TENM3: variants seen among roughly 807,000 people sequenced by gnomAD.
The protein encoded by TENM3 is teneurin transmembrane protein 3, also known as teneurin-3.
Under a neutral mutation model 255.1 loss-of-function variants are expected in TENM3, and 63 were observed. That is an observed-to-expected ratio of 0.25 (90% confidence interval 0.20 to 0.30). The LOEUF is 0.30. Ranked by LOEUF, TENM3 falls within the 10% of genes least tolerant of loss-of-function variation. The pLI is 1.00. For synonymous variants in TENM3, 1,306 were observed against 1,322.3 expected (o/e 0.99, Z 0.27); for missense variants, 2,929 against 3,461.1 (o/e 0.85, Z 3.86).
chr4:181,947,764 C>T, the TENM3 span, among the ~76,000 whole-genome samples: 2 of 152,018 alleles, frequency 1.3e-5, no homozygotes, highest in African/African-American at 4.8e-5. Flanking sequence ...ACATGTTGAC[C>T]TTTGAGTCTA....
intron 1 of TENM3, among the ~76,000 whole-genome samples, chr4:182,285,039 C>G (rs1032146830): frequency 6.6e-5 from 10 of 152,086 alleles, no homozygotes; most frequent in African/African-American, 2.4e-4. Flanking sequence ...AACAAAGACA[C>G]TCTAGGGAGA....
chr4:181,620,075 A>G, the TENM3 span, among the ~76,000 whole-genome samples: 1 of 152,090 alleles, frequency 6.6e-6, no homozygotes, highest in East Asian at 1.9e-4. Flanking sequence ...AGCCTGGGCA[A>G]CATAGGGAGA....
chr4:182,233,170 A>G (rs1756685622), intron 1 of TENM3, among the ~76,000 whole-genome samples: 1 of 152,124 alleles, frequency 6.6e-6, no homozygotes, highest in Admixed American at 6.5e-5. Flanking sequence ...GCTCAGCCAA[A>G]CAGGAGCCGG....
At chr4:181,609,360 C>T in the TENM3 span, among the ~76,000 whole-genome samples, 1 of 152,004 alleles carries the variant, frequency 6.6e-6, no homozygotes, top group African/African-American at 2.4e-5. Context: ...GGTTTTTTTC[C>T]ACATCACTCT....
chr4:182,464,164 A>T (rs1383606049), intron 3 of TENM3, among the ~76,000 whole-genome samples: 1 of 152,202 alleles, frequency 6.6e-6, no homozygotes, highest in African/African-American at 2.4e-5. Flanking sequence ...TGTATTAATG[A>T]TATAGTGACT....
At chr4:182,082,964 T>G in the TENM3 span, among the ~76,000 whole-genome samples, 1 of 152,130 alleles carries the variant, frequency 6.6e-6, no homozygotes, top group South Asian at 2.1e-4. Context: ...AATATCTACT[T>G]TATTATAGTG....
chr4:181,697,374 G>GT, the TENM3 span, among the ~76,000 whole-genome samples: 1 of 151,682 alleles, frequency 6.6e-6, no homozygotes, highest in Non-Finnish European at 1.5e-5. Flanking sequence ...TTTCCTGGTG[G>GT]GTTTTTTTGT....
At chr4:182,327,908 C>G (rs901556051) in intron 2 of TENM3, among the ~76,000 whole-genome samples, 2 of 152,206 alleles carry the variant, frequency 1.3e-5, no homozygotes, top group Non-Finnish European at 2.9e-5. Flanking sequence ...GAACATTTTT[C>G]CTCTGCTGCA....
intron 13 of TENM3, among the ~76,000 whole-genome samples, chr4:182,722,587 A>G (rs879939421): frequency 2.0e-5 from 3 of 152,184 alleles, no homozygotes; most frequent in Non-Finnish European, 4.4e-5. Flanking sequence ...GGCAAAGGAA[A>G]CGATTGTGGT....
chr4:181,620,751 A>C, the TENM3 span, among the ~76,000 whole-genome samples: 1 of 152,200 alleles, frequency 6.6e-6, no homozygotes, highest in African/African-American at 2.4e-5. Flanking sequence ...TAAGTAGAAA[A>C]AAATGACAAT....
intron 24 of TENM3, among the ~76,000 whole-genome samples, chr4:182,785,826 G>T (rs930394673): frequency 6.6e-6 from 1 of 151,432 alleles, no homozygotes; most frequent in Non-Finnish European, 1.5e-5. Context: ...TAAAGATGTG[G>T]TGAAGCAAGA....
At chr4:182,505,456 CTTTTA>C (rs80113065) in intron 3 of TENM3, among the ~76,000 whole-genome samples, 3,517 of 151,650 alleles carry the variant, frequency 0.023, 46 homozygotes, top group Middle Eastern at 0.041. Context: ...TCTGCTTTTC[CTTTTA>C]TTTTATTTTA....
At chr4:181,798,852 G>A in the TENM3 span, among the ~76,000 whole-genome samples, 5 of 152,204 alleles carry the variant, frequency 3.3e-5, no homozygotes, top group African/African-American at 1.2e-4. Flanking sequence ...GTTAACAAAT[G>A]TAGTTTTAAT....
intron 1 of TENM3, among the ~76,000 whole-genome samples, chr4:182,307,521 C>T (rs1020087447): frequency 8.5e-5 from 13 of 152,148 alleles, no homozygotes; most frequent in Non-Finnish European, 1.5e-5. Context: ...ATTTAGAGTC[C>T]TTTCCTTAAT....
chr4:181,864,241 C>T, the TENM3 span, among the ~76,000 whole-genome samples: 6 of 152,190 alleles, frequency 3.9e-5, no homozygotes, highest in Non-Finnish European at 8.8e-5. Flanking sequence ...ACTATCAGTT[C>T]TGTCCATCAG....
At chr4:181,917,663 C>CT in the TENM3 span, among the ~76,000 whole-genome samples, 2,718 of 127,370 alleles carry the variant, frequency 0.021, 68 homozygotes, top group South Asian at 0.055. Flanking sequence ...TTTTTTTTTT[C>CT]TTTTTTTTTT....
At chr4:182,732,224 A>G (rs1432544864) in intron 16 of TENM3, among the ~76,000 whole-genome samples, 1 of 152,064 alleles carries the variant, frequency 6.6e-6, no homozygotes, top group Admixed American at 6.6e-5. Flanking sequence ...TTATTTATTG[A>G]AAAAAAACTT....
intron 3 of TENM3, among the ~76,000 whole-genome samples, chr4:182,600,420 T>G (rs1367078472): frequency 6.6e-6 from 1 of 152,212 alleles, no homozygotes; most frequent in Non-Finnish European, 1.5e-5. Flanking sequence ...ACAAGAGTAG[T>G]CTACTGCTGT....
the TENM3 span, among the ~76,000 whole-genome samples, chr4:181,456,113 G>A: frequency 0.29 from 23,081 of 79,424 alleles, 2,153 homozygotes; most frequent in African/African-American, 0.46. Flanking sequence ...GTGTGTGTGT[G>A]TATATATATA....
Sources: allele counts gnomAD v4.1 joint callset (sites outside exome capture counted in the v4.1 genomes callset), GRCh38; gene constraint gnomAD v4.1.1; transcripts MANE v1.5; gene names NCBI Gene and HGNC (gene_info 2026-07-23, HGNC 2026-07-21).